The following GAD2 variants were observed in gnomAD, a reference collection of about 807,000 sequenced individuals.
The protein encoded by GAD2 is glutamate decarboxylase 2, also known as 65 kDa glutamic acid decarboxylase.
GAD2 carries 22 observed loss-of-function variants against 80.1 expected under a neutral mutation model. That is an observed-to-expected ratio of 0.27 (90% CI 0.20 to 0.39). The LOEUF (loss-of-function observed/expected upper bound fraction) is 0.39, where lower values mean the gene tolerates loss of function less well. Ranked by LOEUF, GAD2 falls within the 10% of genes least tolerant of loss-of-function variation. The pLI is 1.00. For missense variants in GAD2, 624 were observed against 738.4 expected (o/e 0.85, Z 1.80); for synonymous variants, 274 against 256.9 (o/e 1.07, Z -0.64).
In GAD2 at chr10:26,303,461, AGGGAG is replaced by A. The variant is rs1834348938; in HGVS notation, c.*2503_*2507del. 9.9e-6 allele frequency: 1 copy of A among 100,700 alleles called. No individual in the cohort carries two copies. Among genetic ancestry groups the A allele is most frequent in the African/African-American group, 2.9e-5 (1 of 34,492 alleles). The allele number at this position is 100,700 out of a possible 1,614,324, so 6.2% of individuals were successfully genotyped here. A position where few individuals can be genotyped will look rare whatever the true frequency, so the allele number is the denominator to read the frequency against. ...AAGGGAGGAAGGGAGGGAGGGAGGG[AGGGAG>A]GGAAGGAGGGAGGGAGGAAGGAAAT... On this transcript the variant is annotated 3_prime_UTR_variant, in exon 16 of 16. Transcript: ENST00000376261.
chr10:26,299,354 T>C (rs1488364585), intron 15 of GAD2, among the ~76,000 whole-genome samples: 1 of 152,228 alleles, frequency 6.6e-6, no homozygotes, highest in Non-Finnish European at 1.5e-5. Context: ...AGGCATGGTC[T>C]CCATTTTGAA....
At chr10:26,238,949 T>A (rs1444315060) in intron 7 of GAD2, among the ~76,000 whole-genome samples, 1 of 149,768 alleles carries the variant, frequency 6.7e-6, no homozygotes, top group Non-Finnish European at 1.5e-5. Flanking sequence ...CGGTGAGAAC[T>A]GCAACTGCTG....
intron 7 of GAD2, among the ~76,000 whole-genome samples, chr10:26,231,090 C>A (rs1345294262): frequency 6.6e-6 from 1 of 151,526 alleles, no homozygotes; most frequent in African/African-American, 2.4e-5. Context: ...ACTCCATTCT[C>A]AAAAAAAACA....
Position 26,301,567 on chromosome 10 carries a change from T to A in GAD2, c.*606T>A, listed in dbSNP as rs1233878987. 7.6e-6 allele frequency: 1 copy of A among 131,576 alleles called. No individual in the cohort carries two copies. Among genetic ancestry groups the A allele is most frequent in the Non-Finnish European group, 1.8e-5 (1 of 55,220 alleles). The allele number at this position is 131,576 out of a possible 1,614,324, so 8.2% of individuals were successfully genotyped here. A position where few individuals can be genotyped will look rare whatever the true frequency, so the allele number is the denominator to read the frequency against. ...GGGCAGATATAAAATCTAAGCCAGATTTTTTTTTCCTTTCTCTTAATGGAG... is the reference window on the plus strand; with the variant it reads ...GGGCAGATATAAAATCTAAGCCAGAATTTTTTTTCCTTTCTCTTAATGGAG... On this transcript the variant is annotated 3_prime_UTR_variant, in exon 16 of 16. Transcript: ENST00000376261.
intron 13 of GAD2, among the ~76,000 whole-genome samples, chr10:26,289,990 A>G (rs1458893410): frequency 1.3e-5 from 2 of 152,114 alleles, no homozygotes; most frequent in Non-Finnish European, 2.9e-5. Context: ...ATGTAGTCAT[A>G]CAAATAGTCA....
intron 7 of GAD2, among the ~76,000 whole-genome samples, chr10:26,245,351 T>A (rs1487851067): frequency 2.0e-5 from 3 of 150,346 alleles, no homozygotes; most frequent in African/African-American, 7.4e-5. Context: ...AACCTGCACA[T>A]CCCGCATGTA....
intron 7 of GAD2, among the ~76,000 whole-genome samples, chr10:26,242,856 T>C (rs1036571381): frequency 2.0e-5 from 3 of 152,138 alleles, no homozygotes; most frequent in African/African-American, 4.8e-5. Context: ...CTCTTACTTA[T>C]CCCCAGTTCG....
rs1248067994 is a variant in GAD2, at chr10:26,302,767, T to G, written c.*1806T>G. 2 of 152,220 alleles carry G rather than the reference T, an allele frequency of 1.3e-5. No homozygotes were observed. The highest frequency in any genetic ancestry group is 4.8e-5 in the African/African-American group (2 of 41,452). The allele number at this position is 152,220 out of a possible 1,614,324, so 9.4% of individuals were successfully genotyped here. On this transcript the variant is annotated 3_prime_UTR_variant, in exon 16 of 16. Transcript: ENST00000376261. The stretch of plus-strand genomic sequence containing the variant: ...CCTAGGCTATATGCAAAAACAGTGA[T>G]AACTTGATATGAACATGGCTTTGGG...
chr10:26,269,973 C>A (rs1347183711), intron 9 of GAD2, among the ~76,000 whole-genome samples: 2 of 152,174 alleles, frequency 1.3e-5, no homozygotes, highest in Non-Finnish European at 2.9e-5. Context: ...GACACCATAA[C>A]ATCACGTTCT....
intron 3 of GAD2, among the ~76,000 whole-genome samples, chr10:26,218,537 T>TCTCTCTCG (rs1554849372): frequency 1.2e-5 from 1 of 84,808 alleles, no homozygotes; most frequent in African/African-American, 3.5e-5. Context: ...ATGCATACGC[T>TCTCTCTCG]CTCTCTCTCT....
intron 7 of GAD2, among the ~76,000 whole-genome samples, chr10:26,242,152 A>C (rs1844751236): frequency 6.6e-6 from 1 of 151,804 alleles, no homozygotes; most frequent in Non-Finnish European, 1.5e-5. Flanking sequence ...TGCCTGGCTA[A>C]TTTTTTTGTA....
At chr10:26,277,124 T>C (rs1259370678) in intron 11 of GAD2, among the ~76,000 whole-genome samples, 3 of 152,146 alleles carry the variant, frequency 2.0e-5, no homozygotes, top group Admixed American at 6.5e-5. Flanking sequence ...CAGGGCAACA[T>C]TGTAGCTCAG....
intron 15 of GAD2, among the ~76,000 whole-genome samples, chr10:26,293,573 C>T (rs1267522327): frequency 6.6e-5 from 10 of 152,168 alleles, no homozygotes; most frequent in Non-Finnish European, 1.5e-4. Context: ...TGCTGGCATT[C>T]ACAAAGCAAC....
At chr10:26,253,076 G>T (rs549240287) in intron 8 of GAD2, among the ~76,000 whole-genome samples, 6 of 152,050 alleles carry the variant, frequency 3.9e-5, no homozygotes, top group Admixed American at 1.3e-4. Context: ...TTTGGACTAG[G>T]TTCTTTTAGA....
At position 26,224,647 on chromosome 10, in the gene GAD2, T is replaced by C; in HGVS notation, c.720T>C (p.Ser240=). 1 of 1,599,986 alleles carries C rather than the reference T, an allele frequency of 6.3e-7. No individual in the cohort carries two copies. The highest frequency in any genetic ancestry group is 1.1e-5 in the South Asian group (1 of 90,788). The change falls in exon 6 of 16, where the codon TCT becomes TCC. Residue 240 remains serine, a synonymous_variant. Coordinates refer to ENST00000376261, the MANE Select transcript of GAD2 (RefSeq NM_001134366.2). The part of the protein sequence containing the change: ...WPGGSGDGIF[S]PGGAISNMYA... ...GGGGCTCTGGCGATGGGATATTTTC[T>C]CCCGGTACATGATATTTCAACTTTC... is the stretch of plus-strand genomic sequence containing the variant.
At chr10:26,267,293 TA>T (rs1236222729) in intron 8 of GAD2, among the ~76,000 whole-genome samples, 1 of 152,264 alleles carries the variant, frequency 6.6e-6, no homozygotes, top group Non-Finnish European at 1.5e-5. Context: ...CTTTAAACTT[TA>T]TGTAAAAGAT....
intron 7 of GAD2, among the ~76,000 whole-genome samples, chr10:26,245,367 G>A (rs1844794231): frequency 6.7e-6 from 1 of 149,412 alleles, no homozygotes; most frequent in African/African-American, 2.5e-5. Flanking sequence ...ATGTACCCTG[G>A]AACTTAAAAT....
chr10:26,235,647 C>G (rs929769688), intron 7 of GAD2, among the ~76,000 whole-genome samples: 1 of 152,150 alleles, frequency 6.6e-6, no homozygotes, highest in Non-Finnish European at 1.5e-5. Flanking sequence ...CTTAAAGATC[C>G]TTTGGTTCAA....
chr10:26,220,273 A>G (rs890620833), intron 4 of GAD2, among the ~76,000 whole-genome samples: 15 of 152,224 alleles, frequency 9.9e-5, no homozygotes, highest in African/African-American at 3.6e-4. Context: ...TTTGCTAGCA[A>G]ATAAAAAATG....
Sources: allele counts gnomAD v4.1 joint callset (sites outside exome capture counted in the v4.1 genomes callset), GRCh38; gene constraint gnomAD v4.1.1; transcripts MANE v1.5; gene names NCBI Gene and HGNC (gene_info 2026-07-23, HGNC 2026-07-21).